ADAM17: variants seen among roughly 807,000 people sequenced by gnomAD.
ADAM17 encodes disintegrin and metalloproteinase domain-containing protein 17.
ADAM17 carries 39 observed loss-of-function variants against 96.7 expected under a neutral mutation model. The ratio of observed to expected loss-of-function variants is 0.40; its 90% CI spans 0.31 to 0.53. The LOEUF (loss-of-function observed/expected upper bound fraction) is 0.53, where lower values mean the gene tolerates loss of function less well. Among genes scored for constraint, ADAM17 ranks in the 20% least tolerant of loss-of-function variants. The pLI, the probability that ADAM17 is intolerant of heterozygous loss-of-function variation, is 0.44. For synonymous variants in ADAM17, 344 were observed against 359.2 expected (o/e 0.96, Z 0.48); for missense variants, 777 against 1,013.2 (o/e 0.77, Z 3.17).
chr2:9,526,201 C>T lies in ADAM17; in HGVS notation c.663G>A (p.Met221Ile). ...CCACCAATAATTTACACGTGTTCTT[C>T]ATGGGATCTGGGTCAGCTCTTCTTT... The part of the protein sequence containing the change: ...RVKRRADPDP[M>I]KNTCKLLVVA... The change falls in exon 6 of 19, where the codon ATG (methionine) becomes ATA (isoleucine). Residue 221 changes from methionine to isoleucine, a missense_variant. Met to Ile is a conservative substitution (Grantham distance 10, BLOSUM62 1). Transcript: ENST00000310823. 6.2e-7 allele frequency: 1 copy of T among 1,613,882 alleles called. No homozygotes were observed. The highest frequency in any genetic ancestry group is 2.2e-5 in the East Asian group (1 of 44,858).
intron 11 of ADAM17, among the ~76,000 whole-genome samples, chr2:9,506,374 T>G (rs1266376105): frequency 1.4e-5 from 2 of 145,998 alleles, no homozygotes; most frequent in African/African-American, 5.2e-5. Context: ...TTTTTTTTTT[T>G]TTTTTTTTTT....
intron 2 of ADAM17, among the ~76,000 whole-genome samples, chr2:9,540,449 AG>A (rs1665161623): frequency 6.6e-6 from 1 of 152,112 alleles, no homozygotes; most frequent in Non-Finnish European, 1.5e-5. Flanking sequence ...GTAAAATGCC[AG>A]TAAATTACAG....
rs187808918 is a variant in ADAM17 at position 9,530,017 on chromosome 2, G to C, written c.451-2063C>G. ...AAAACTACAAAATTGTATACATTAAGTGGGTGAATAATATAGTATGTGAAT... is the reference window on the plus strand; with the variant it reads ...AAAACTACAAAATTGTATACATTAACTGGGTGAATAATATAGTATGTGAAT... On this transcript the variant is annotated intron_variant, in intron 4 of 18. Coordinates refer to ENST00000310823, the MANE Select transcript of ADAM17 (RefSeq NM_003183.6). Among the ~76,000 whole-genome samples, 5 of 152,180 alleles carry C rather than the reference G, an allele frequency of 3.3e-5. No individual in the cohort carries two copies. The East Asian group carries it at 7.7e-4, about 23-fold the overall frequency.
In ADAM17 at chr2:9,490,442, CCTGGAGT is replaced by C; in HGVS notation, c.2203_2209del (p.Thr735AlafsTer8). The C allele has an allele frequency of 6.2e-7, 1 of 1,614,156 alleles. No homozygotes were observed. Among genetic ancestry groups the C allele is most frequent in the Non-Finnish European group, 8.5e-7 (1 of 1,180,026 alleles). On this transcript the variant is annotated frameshift_variant, in exon 19 of 19. Transcript: ENST00000310823. LOFTEE classifies it high-confidence loss of function. Reference sequence around the variant, plus strand: ...GATCACAGGGGCAGGCTGCAGGCGGCCTGGAGTCTGGGGCGCAGGAAAGGGTTTGATA... The same window carrying C: ...GATCACAGGGGCAGGCTGCAGGCGGCCTGGGGCGCAGGAAAGGGTTTGATA...
chr2:9,493,556 C>G (rs1662327733), intron 16 of ADAM17, among the ~76,000 whole-genome samples, 191 bp downstream of exon 16: 2 of 152,174 alleles, frequency 1.3e-5, no homozygotes, highest in African/African-American at 4.8e-5. Flanking sequence ...TCTGTGCATC[C>G]AAGCTCCACG....
chr2:9,526,203 T>C lies in ADAM17; in HGVS notation c.661A>G (p.Met221Val), dbSNP rs1391226371. 2 of 1,613,816 alleles carry C rather than the reference T, an allele frequency of 1.2e-6. No homozygotes were observed. The highest frequency in any genetic ancestry group is 1.3e-5 in the African/African-American group (1 of 74,934). ...ACCAATAATTTACACGTGTTCTTCA[T>C]GGGATCTGGGTCAGCTCTTCTTTTC... ...RVKRRADPDP[M>V]KNTCKLLVVA... The change falls in exon 6 of 19, where the codon ATG becomes GTG. Residue 221 changes from methionine (M) to valine (V), a missense_variant. Physicochemically the swap from Met to Val is conservative, Grantham distance 21. This residue lies in a region of ADAM17 where 446 missense variants were observed against 664.7 expected (regional missense o/e 0.67). Coordinates refer to ENST00000310823, the MANE Select transcript of ADAM17 (RefSeq NM_003183.6).
chr2:9,514,566 T>C (rs1386462217), intron 10 of ADAM17, among the ~76,000 whole-genome samples: 2 of 92,350 alleles, frequency 2.2e-5, no homozygotes, highest in South Asian at 3.3e-4. Context: ...TATATATATA[T>C]ATAAATAAAA....
In ADAM17 at chr2:9,537,611, A is replaced by G. The variant is rs192148672; in HGVS notation, c.231-783T>C. Among the ~76,000 whole-genome samples the G allele has an allele frequency of 1.2e-3, 177 of 151,962 alleles. 2 individuals are homozygous for G. The highest frequency in any genetic ancestry group is 4.0e-3 in the African/African-American group (167 of 41,460). ...GCCAGGCATGGTGGCGGGTGCCTAT[A>G]GTCCCAGCTACTTGGGAGGCTGAGG... On this transcript the variant is annotated intron_variant, in intron 2 of 18. Coordinates refer to ENST00000310823, the MANE Select transcript of ADAM17 (RefSeq NM_003183.6).
chr2:9,548,150 T>C (rs1471235833), intron 1 of ADAM17, among the ~76,000 whole-genome samples: 1 of 150,762 alleles, frequency 6.6e-6, no homozygotes, highest in Non-Finnish European at 1.5e-5. Flanking sequence ...CTGGCCAACG[T>C]GGCAAAACCC....
At chr2:9,533,013 A>T (rs1365197672) in intron 4 of ADAM17, among the ~76,000 whole-genome samples, 4 of 151,906 alleles carry the variant, frequency 2.6e-5, no homozygotes, top group African/African-American at 9.7e-5. Context: ...ACACAGTGAA[A>T]CCCCATCTCT....
intron 4 of ADAM17, among the ~76,000 whole-genome samples, chr2:9,528,272 A>T (rs746697388): frequency 6.6e-6 from 1 of 152,218 alleles, no homozygotes; most frequent in South Asian, 2.1e-4. Flanking sequence ...TCATTCAAAA[A>T]TATTATGTAA....
intron 8 of ADAM17, among the ~76,000 whole-genome samples, chr2:9,518,564 T>C (rs1664173508): frequency 6.6e-6 from 1 of 152,198 alleles, no homozygotes. Context: ...AGCCCAGGAC[T>C]AGAGATGCTC....
intron 17 of ADAM17, among the ~76,000 whole-genome samples, chr2:9,492,027 C>A (rs1662198287): frequency 6.6e-6 from 1 of 152,154 alleles, no homozygotes; most frequent in Non-Finnish European, 1.5e-5. Context: ...CTTCCTATAC[C>A]CATCATGCTC....
rs1327534211 is a variant in ADAM17 at position 9,543,257 on chromosome 2, G to A, written c.126C>T (p.Tyr42=). 6 of 1,604,386 alleles carry A rather than the reference G, an allele frequency of 3.7e-6. No homozygotes were observed. The highest frequency in any genetic ancestry group is 2.2e-5 in the South Asian group (2 of 89,008). The stretch of plus-strand genomic sequence containing the variant: ...GGATATTAGATAAAGAGAGAATATC[G>A]TAGTCTGAGAGCAAAGAATCAAGCT... ...LEKLDSLLSD[Y]DILSLSNIQQ... is the part of the protein sequence containing the mutation. Residue 42 remains tyrosine, a synonymous_variant, in exon 2 of 19, where the codon TAC becomes TAT. Transcript: ENST00000310823.
At chr2:9,493,663 C>T in intron 16 of ADAM17, 84 bp downstream of exon 16, 1 of 1,184,108 alleles carries the variant, frequency 8.4e-7, no homozygotes, top group Non-Finnish European at 1.2e-6. Flanking sequence ...AGAATTAAAG[C>T]ACATCACTCT....
chr2:9,534,435 T>A (rs188019610), intron 4 of ADAM17, among the ~76,000 whole-genome samples: 8 of 152,156 alleles, frequency 5.3e-5, no homozygotes, highest in East Asian at 1.9e-4. Flanking sequence ...CTTGGGAGGC[T>A]AAGGCAGGAG....
intron 13 of ADAM17, among the ~76,000 whole-genome samples, chr2:9,501,102 A>G (rs1205106129): frequency 1.3e-5 from 2 of 152,212 alleles, no homozygotes; most frequent in Non-Finnish European, 2.9e-5. Flanking sequence ...ACTCCTCCAA[A>G]TTCACAGTAG....
At chr2:9,503,189 A>C (rs17524942) in intron 12 of ADAM17, among the ~76,000 whole-genome samples, 12,788 of 151,326 alleles carry the variant, frequency 0.085, 600 homozygotes, top group African/African-American at 0.12. Flanking sequence ...TGGGGCCACA[A>C]GGCAATCCAT....
chr2:9,494,876 T>C lies in ADAM17; in HGVS notation c.1784-109A>G, dbSNP rs1662449223. On this transcript the variant is annotated intron_variant, in intron 14 of 18. Coordinates refer to ENST00000310823, the MANE Select transcript of ADAM17 (RefSeq NM_003183.6). ...TCCCAAAGAGGTAAGAAATCACATTTATTTTTTATTTAAATAGCTAATACT... is the reference window on the plus strand; with the variant it reads ...TCCCAAAGAGGTAAGAAATCACATTCATTTTTTATTTAAATAGCTAATACT... The C allele has an allele frequency of 2.9e-6, 4 of 1,372,654 alleles. No homozygotes were observed. In the Admixed American group the frequency reaches 9.4e-5, roughly 32 times the overall value. The allele number at this position is 1,372,654 out of a possible 1,614,324, so 85.0% of individuals were successfully genotyped here.
Sources: allele counts gnomAD v4.1 joint callset (sites outside exome capture counted in the v4.1 genomes callset), GRCh38; gene constraint gnomAD v4.1.1; regional missense constraint gnomAD v4.1.1; transcripts MANE v1.5; gene names NCBI Gene and HGNC (gene_info 2026-07-23, HGNC 2026-07-21).